The following RERE variants were observed in gnomAD, a reference collection of about 807,000 sequenced individuals.
RERE encodes the protein arginine-glutamic acid dipeptide repeats, also known as arginine-glutamic acid dipeptide repeats protein.
In RERE, 40 loss-of-function variants were observed where a neutral mutation model predicts 146.1. The ratio of observed to expected loss-of-function variants is 0.27; its 90% confidence interval spans 0.21 to 0.36. RERE has a LOEUF of 0.36. Ranked by LOEUF, RERE falls within the 10% of genes least tolerant of loss-of-function variation. The pLI is 1.00. For missense variants in RERE, 1,933 were observed against 2,138.7 expected (o/e 0.90, Z 1.90); for synonymous variants, 1,003 against 866.0 (o/e 1.16, Z -2.78).
At chr1:8,471,334 C>T (rs1014226667) in intron 10 of RERE, among the ~76,000 whole-genome samples, 2 of 151,726 alleles carry the variant, frequency 1.3e-5, no homozygotes, top group South Asian at 2.1e-4. Flanking sequence ...CTCTTTGAGA[C>T]AGGGTGTTGG....
At chr1:8,761,972 C>G (rs955205384) in intron 1 of RERE, among the ~76,000 whole-genome samples, 1 of 152,024 alleles carries the variant, frequency 6.6e-6, no homozygotes, top group Non-Finnish European at 1.5e-5. Context: ...TACTTTCCAC[C>G]CAGTCTTCAC....
intron 12 of RERE, among the ~76,000 whole-genome samples, chr1:8,366,495 G>A (rs1414869136): frequency 6.6e-6 from 1 of 152,180 alleles, no homozygotes; most frequent in Non-Finnish European, 1.5e-5. Context: ...AACTGCCCAG[G>A]TGGTGAGGAA....
At chr1:8,786,698 A>G (rs1333935696) in intron 1 of RERE, 6 of 787,356 alleles carry the variant, frequency 7.6e-6, no homozygotes, top group Non-Finnish European at 1.4e-5. Context: ...GGTACACAGA[A>G]GTTGCCAGCT....
intron 10 of RERE, among the ~76,000 whole-genome samples, chr1:8,469,165 C>T (rs1354677163): frequency 6.6e-6 from 1 of 151,904 alleles, no homozygotes; most frequent in East Asian, 1.9e-4. Flanking sequence ...AAAAAATCGG[C>T]CTCAAGTGTG....
intron 1 of RERE, among the ~76,000 whole-genome samples, chr1:8,802,324 G>C (rs1408048651): frequency 1.3e-5 from 2 of 152,142 alleles, no homozygotes; most frequent in African/African-American, 2.4e-5. Flanking sequence ...CAAATTACCT[G>C]AGTTGAAAAA....
At position 8,458,546 on chromosome 1, in the gene RERE, G is replaced by C. The variant is rs530063127; in HGVS notation, c.1203+7379C>G. Among the ~76,000 whole-genome samples, 74 of 152,326 alleles carry C rather than the reference G, an allele frequency of 4.9e-4. 2 individuals are homozygous for C. The South Asian group carries it at 0.015, about 31-fold the overall frequency. ...ACTTTCCAGGTCTCTGTATAGCCCTGATGTCTAAACACAGACGTGTGCGCA... is the reference window on the plus strand; with the variant it reads ...ACTTTCCAGGTCTCTGTATAGCCCTCATGTCTAAACACAGACGTGTGCGCA... On this transcript the variant is annotated intron_variant, in intron 11 of 22. Transcript: ENST00000400908.
At chr1:8,417,198 T>C (rs76536492) in intron 12 of RERE, among the ~76,000 whole-genome samples, 3,635 of 152,306 alleles carry the variant, frequency 0.024, 138 homozygotes, top group African/African-American at 0.082. Flanking sequence ...TATTGAATAC[T>C]AGAATCATTT....
chr1:8,781,641 C>T lies in RERE; in HGVS notation c.-145+35519G>A, dbSNP rs567800889. 2.2e-4 allele frequency among the ~76,000 whole-genome samples: 33 copies of T among 151,116 alleles called. No homozygotes were observed. In the South Asian group the frequency reaches 5.7e-3, roughly 26 times the overall value. On this transcript the variant is annotated intron_variant, in intron 1 of 22. Coordinates refer to ENST00000400908, the MANE Select transcript of RERE (RefSeq NM_001042681.2). ...CCTCCATTTTCTCACAATTATAAAA[C>T]GGGGATAATACCTGTTACACAGGAT...
intron 10 of RERE, 99 bp from the exon 11 acceptor site, chr1:8,466,122 A>ACATCTCT: frequency 1.0e-6 from 1 of 987,546 alleles, no homozygotes; most frequent in Non-Finnish European, 1.5e-6. Flanking sequence ...CCCACAGAAG[A>ACATCTCT]GTCAGGAAAG....
At chr1:8,689,709 T>C (rs1639168598) in intron 1 of RERE, among the ~76,000 whole-genome samples, 2 of 152,038 alleles carry the variant, frequency 1.3e-5, no homozygotes, top group South Asian at 4.1e-4. Context: ...GGTTATATTC[T>C]TCTAAGCAAA....
At chr1:8,730,217 T>C (rs1640052444) in intron 1 of RERE, among the ~76,000 whole-genome samples, 2 of 152,220 alleles carry the variant, frequency 1.3e-5, no homozygotes, top group African/African-American at 4.8e-5. Flanking sequence ...TGAAGGTCAC[T>C]ATATGTAGAT....
rs768879322 is a variant in RERE, at chr1:8,365,820, C to T, written c.1439G>A (p.Ser480Asn). 1.2e-6 allele frequency: 2 copies of T among 1,614,130 alleles called. No individual in the cohort carries two copies. The highest frequency in any genetic ancestry group is 2.2e-5 in the South Asian group (2 of 91,082). ...CCAAGACCCCTACTCACAGAATTCA[C>T]TGGACGGGGGTCTGGAGGGTGTGTT... Reference protein sequence around the residue: ...PVNTPSRPPSSEFLDLSSASE... With the variant: ...PVNTPSRPPSNEFLDLSSASE... Residue 480 changes from serine to asparagine, a missense_variant, in exon 13 of 23, where the codon AGT (serine) becomes AAT (asparagine). Coordinates refer to ENST00000400908, the MANE Select transcript of RERE (RefSeq NM_001042681.2).
intron 12 of RERE, among the ~76,000 whole-genome samples, chr1:8,421,272 C>T (rs1035887469): frequency 3.3e-5 from 5 of 152,154 alleles, no homozygotes; most frequent in Non-Finnish European, 7.3e-5. Flanking sequence ...ACTTCCTACA[C>T]TCGGGCAAAG....
intron 2 of RERE, among the ~76,000 whole-genome samples, chr1:8,633,454 G>GACACACAC (rs375248484): frequency 4.0e-5 from 6 of 150,476 alleles, no homozygotes; most frequent in Admixed American, 3.9e-4. Context: ...CACACACACA[G>GACACACAC]ACACACACAC....
At chr1:8,357,955 G>A (rs761032214) in intron 20 of RERE, among the ~76,000 whole-genome samples, 2 of 152,254 alleles carry the variant, frequency 1.3e-5, no homozygotes, top group Non-Finnish European at 2.9e-5. Context: ...AAGAACCCAG[G>A]CTTCACCCGT....
rs1484554374 is a variant in RERE at position 8,647,637 on chromosome 1, A to ATGTGTGTGTGTG, written c.325+8335_325+8336insCACACACACACA. On this transcript the variant is annotated intron_variant, in intron 2 of 22. Transcript: ENST00000400908. ...GATCAAATGAGCTTCTATTTAAAAT[A>ATGTGTGTGTGTG]TGTATGTGTGTGTGTGTGTGTGTGT... 3.7e-3 allele frequency among the ~76,000 whole-genome samples: 220 copies of ATGTGTGTGTGTG among 59,352 alleles called. 1 individual carries two copies. Among genetic ancestry groups the ATGTGTGTGTGTG allele is most frequent in the African/African-American group, 0.013 (211 of 16,664 alleles). 38.9% of individuals were successfully genotyped at this position (59,352 alleles called of 152,430 possible).
intron 7 of RERE, chr1:8,512,055 C>A: frequency 1.6e-5 from 1 of 62,944 alleles, no homozygotes; most frequent in African/African-American, 5.8e-5. Context: ...GAGACGGAGT[C>A]TCGCTCTGTC....
At chr1:8,409,246 C>T (rs937505703) in intron 12 of RERE, among the ~76,000 whole-genome samples, 5 of 152,182 alleles carry the variant, frequency 3.3e-5, no homozygotes, top group Admixed American at 6.5e-5. Flanking sequence ...TGTTTAGCCC[C>T]GACAATGGTT....
At chr1:8,385,085 A>G (rs898607554) in intron 12 of RERE, among the ~76,000 whole-genome samples, 5 of 152,216 alleles carry the variant, frequency 3.3e-5, no homozygotes, top group Non-Finnish European at 5.9e-5. Flanking sequence ...ATTCCTAGCA[A>G]GACTGAGTCA....
Sources: gnomAD v4.1 joint callset for allele counts (sites outside exome capture counted in the v4.1 genomes callset) on GRCh38, gnomAD v4.1.1 for gene constraint, MANE v1.5 for transcripts, NCBI Gene and HGNC (gene_info 2026-07-23, HGNC 2026-07-21) for gene names.